Variants in RBFOX1 observed in about 807,000 individuals in gnomAD.
RBFOX1 encodes RNA binding fox-1 homolog 1, also known as RNA binding protein fox-1 homolog 1.
A neutral mutation model predicts 57.7 loss-of-function variants in RBFOX1; 8 were observed. The ratio of observed to expected loss-of-function variants is 0.14; its 90% confidence interval spans 0.08 to 0.25. The LOEUF is 0.25. Ranked by LOEUF, RBFOX1 falls within the 10% of genes least tolerant of loss-of-function variation. The pLI, the probability that RBFOX1 is intolerant of heterozygous loss-of-function variation, is 1.00. For synonymous variants in RBFOX1, 326 were observed against 222.4 expected (o/e 1.47, Z -4.15); for missense variants, 611 against 548.5 (o/e 1.11, Z -1.14).
intron 2 of RBFOX1, among the ~76,000 whole-genome samples, chr16:6,346,096 T>C (rs2152835961): frequency 6.6e-6 from 1 of 152,262 alleles, no homozygotes; most frequent in African/African-American, 2.4e-5. Context: ...TTGAATAGAA[T>C]GGGAGGCAGG....
At chr16:5,896,582 A>G (rs1201565866) in intron 4 of RBFOX1, among the ~76,000 whole-genome samples, 3 of 152,212 alleles carry the variant, frequency 2.0e-5, no homozygotes, top group Non-Finnish European at 2.9e-5. Flanking sequence ...TTGCAGAACC[A>G]TGAGACAAAT....
At chr16:5,398,187 C>T (rs534980984) in intron 1 of RBFOX1, among the ~76,000 whole-genome samples, 1 of 152,120 alleles carries the variant, frequency 6.6e-6, no homozygotes, top group African/African-American at 2.4e-5. Flanking sequence ...AAGTGTGTGC[C>T]CGTGTGTATA....
At chr16:5,702,493 C>T (rs200918745) in intron 3 of RBFOX1, among the ~76,000 whole-genome samples, 17 of 152,128 alleles carry the variant, frequency 1.1e-4, no homozygotes, top group African/African-American at 3.6e-4. Context: ...GCTAGGCCAG[C>T]GAGGAAACTA....
chr16:5,468,020 G>T (rs909807614), intron 2 of RBFOX1, among the ~76,000 whole-genome samples: 1 of 152,138 alleles, frequency 6.6e-6, no homozygotes, highest in Admixed American at 6.5e-5. Flanking sequence ...TTTGTGGGGA[G>T]GCGGAATCTA....
At chr16:6,033,021 A>G in intron 1 of RBFOX1, among the ~76,000 whole-genome samples, 1 of 151,946 alleles carries the variant, frequency 6.6e-6, no homozygotes, top group East Asian at 1.9e-4. Flanking sequence ...TTTGCAAAGG[A>G]AGGTAGTGTA....
intron 4 of RBFOX1, among the ~76,000 whole-genome samples, chr16:7,081,425 T>C (rs115686407): frequency 0.018 from 2,791 of 152,290 alleles, 103 homozygotes; most frequent in African/African-American, 0.063. Flanking sequence ...TTAGCTATTA[T>C]AACTTGGCCA....
At chr16:6,498,658 C>A (rs780771037) in intron 2 of RBFOX1, among the ~76,000 whole-genome samples, 1 of 152,086 alleles carries the variant, frequency 6.6e-6, no homozygotes, top group Admixed American at 6.5e-5. Context: ...TTAAGGACTT[C>A]GATAAGGGTT....
chr16:6,345,860 A>C (rs1183858472), intron 2 of RBFOX1, among the ~76,000 whole-genome samples: 1 of 152,166 alleles, frequency 6.6e-6, no homozygotes, highest in Admixed American at 6.5e-5. Flanking sequence ...GGTTTTCTAC[A>C]TTTTAGGGAA....
Position 5,916,867 on chromosome 16 carries a change from C to A in RBFOX1, c.351+49532C>A, listed in dbSNP as rs545909212. 3.3e-5 allele frequency among the ~76,000 whole-genome samples: 5 copies of A among 152,210 alleles called. No individual in the cohort carries two copies. In the South Asian group the frequency reaches 1.0e-3, roughly 32 times the overall value. On this transcript the variant is annotated intron_variant, in intron 4 of 19. Coordinates refer to the RBFOX1 transcript ENST00000641259. ...GCCAGGAGAGAGAAAGCTCTCCTGA[C>A]GGGGGAAAGCAGGTTTCCCAATGCC...
chr16:6,658,142 G>C (rs893991289), intron 3 of RBFOX1, among the ~76,000 whole-genome samples: 2 of 151,968 alleles, frequency 1.3e-5, no homozygotes, highest in African/African-American at 2.4e-5. Flanking sequence ...CCTTTCAATG[G>C]GGCCGATTAT....
chr16:7,496,124 A>G (rs943745649), intron 4 of RBFOX1, among the ~76,000 whole-genome samples: 1 of 152,108 alleles, frequency 6.6e-6, no homozygotes, highest in African/African-American at 2.4e-5. Context: ...TCTGGGCATC[A>G]GTTTCCTCAC....
intron 1 of RBFOX1, among the ~76,000 whole-genome samples, chr16:6,150,381 T>A (rs2096789190): frequency 6.6e-6 from 1 of 152,138 alleles, no homozygotes; most frequent in Admixed American, 6.6e-5. Flanking sequence ...GTTGTGAGGA[T>A]CTATCTCAAG....
At chr16:6,943,147 C>G (rs998140743) in intron 3 of RBFOX1, among the ~76,000 whole-genome samples, 16 of 152,182 alleles carry the variant, frequency 1.1e-4, no homozygotes, top group African/African-American at 3.6e-4. Flanking sequence ...TACTGGCTTG[C>G]TAATGGCTAC....
At chr16:5,861,024 G>C (rs925607297) in intron 3 of RBFOX1, among the ~76,000 whole-genome samples, 1 of 152,216 alleles carries the variant, frequency 6.6e-6, no homozygotes, top group African/African-American at 2.4e-5. Context: ...CTGGGTTTGA[G>C]CTTTGTGGCT....
At chr16:7,065,816 C>T (rs1397864377) in intron 4 of RBFOX1, among the ~76,000 whole-genome samples, 1 of 152,126 alleles carries the variant, frequency 6.6e-6, no homozygotes, top group African/African-American at 2.4e-5. Context: ...CCTCCAGCCT[C>T]CAAGCCTCTG....
intron 1 of RBFOX1, among the ~76,000 whole-genome samples, chr16:5,378,081 C>T (rs1258204385): frequency 6.6e-6 from 1 of 151,504 alleles, no homozygotes; most frequent in African/African-American, 2.4e-5. Flanking sequence ...GCACTGCCTG[C>T]CAATTTGAGG....
At chr16:5,953,468 G>A (rs1284482459) in intron 4 of RBFOX1, among the ~76,000 whole-genome samples, 1 of 152,040 alleles carries the variant, frequency 6.6e-6, no homozygotes, top group Non-Finnish European at 1.5e-5. Flanking sequence ...CACCCAGTTT[G>A]TAGTCTTTTA....
intron 3 of RBFOX1, among the ~76,000 whole-genome samples, chr16:6,897,161 C>T (rs1290638360): frequency 6.6e-6 from 1 of 152,138 alleles, no homozygotes. Context: ...GCTGACACAG[C>T]GGCTGTAGAG....
chr16:7,383,639 C>A (rs1043430825), intron 4 of RBFOX1, among the ~76,000 whole-genome samples: 9 of 152,154 alleles, frequency 5.9e-5, no homozygotes, highest in Admixed American at 2.6e-4. Flanking sequence ...ATGACACCTT[C>A]ATGATAAATT....
Sources: allele counts gnomAD v4.1 joint callset (sites outside exome capture counted in the v4.1 genomes callset), GRCh38; gene constraint gnomAD v4.1.1; transcripts MANE v1.5; gene names NCBI Gene and HGNC (gene_info 2026-07-23, HGNC 2026-07-21).